NAV2: variants seen among roughly 807,000 people sequenced by gnomAD.
NAV2 encodes the protein helicase, APC down-regulated 1.
Under a neutral mutation model 223.2 loss-of-function variants are expected in NAV2, and 54 were observed. The ratio of observed to expected loss-of-function variants is 0.24; its 90% CI spans 0.19 to 0.30. The LOEUF (loss-of-function observed/expected upper bound fraction) is 0.30. Among genes scored for constraint, NAV2 ranks in the 10% least tolerant of loss-of-function variants. NAV2 has a pLI of 1.00. For synonymous variants in NAV2, 1,279 were observed against 1,239.3 expected (o/e 1.03, Z -0.67); for missense variants, 2,806 against 3,147.5 (o/e 0.89, Z 2.60).
intron 1 of NAV2, among the ~76,000 whole-genome samples, chr11:19,586,063 GA>G (rs774569153): frequency 1.6e-4 from 25 of 152,184 alleles, no homozygotes; most frequent in Admixed American, 1.6e-3. Flanking sequence ...ATATTTGTTG[GA>G]GGCTTTATTC....
intron 1 of NAV2, among the ~76,000 whole-genome samples, chr11:19,394,197 G>A (rs771602687): frequency 6.6e-6 from 1 of 152,098 alleles, no homozygotes; most frequent in Non-Finnish European, 1.5e-5. Context: ...GATGCTTTTG[G>A]CCCAATGGTG....
rs1445096039 is a variant in NAV2 at position 19,386,841 on chromosome 11, A to G, written c.75+35814A>G. 7.9e-5 allele frequency among the ~76,000 whole-genome samples: 12 copies of G among 152,212 alleles called. No individual in the cohort carries two copies. In the East Asian group the frequency reaches 2.3e-3, roughly 30 times the overall value. On this transcript the variant is annotated intron_variant, in intron 1 of 37. Coordinates refer to the NAV2 transcript ENST00000360655. ...ATTCAGAAATAATTTCCTGGAAAAC[A>G]ATCAAGCATGGGAGGGGCTCAGGGT...
chr11:19,893,143 T>A (rs1160550092), intron 6 of NAV2, among the ~76,000 whole-genome samples: 1 of 678 alleles, frequency 1.5e-3, no homozygotes, highest in African/African-American at 1.6e-3. Context: ...AGGATATGGA[T>A]TTTTTTTTTT....
chr11:20,000,973 G>C (rs921169184), intron 11 of NAV2, among the ~76,000 whole-genome samples: 16 of 152,128 alleles, frequency 1.1e-4, no homozygotes, highest in African/African-American at 3.6e-4. Context: ...ATCTGATCCT[G>C]TGTGCCACCT....
At chr11:19,714,167 T>C (rs568838285) in intron 1 of NAV2, 1 of 739,384 alleles carries the variant, frequency 1.4e-6, no homozygotes, top group South Asian at 1.6e-5. Context: ...GAGGTTTGCC[T>C]TAAGAGCTCT....
chr11:19,779,143 G>C lies in NAV2; in HGVS notation c.268-53341G>C, dbSNP rs892796699. Among the ~76,000 whole-genome samples the C allele has an allele frequency of 5.3e-5, 8 of 152,260 alleles. No homozygotes were observed. The East Asian group carries it at 5.8e-4, about 11-fold the overall frequency. On this transcript the variant is annotated intron_variant, in intron 1 of 37. Coordinates refer to ENST00000349880, the MANE Select transcript of NAV2 (RefSeq NM_145117.5). ...GGGTCAGCCTTTATTGGGTCTGCCT[G>C]AATCTTTAGAGCTGTCTCACTTTTC... is the stretch of plus-strand genomic sequence containing the variant.
intron 5 of NAV2, among the ~76,000 whole-genome samples, chr11:19,888,745 C>T (rs1364433445): frequency 2.0e-5 from 3 of 152,074 alleles, no homozygotes; most frequent in African/African-American, 7.2e-5. Context: ...CTTTCTTTCC[C>T]CTGTACTTTC....
intron 5 of NAV2, among the ~76,000 whole-genome samples, chr11:19,883,436 TC>T (rs1372601463): frequency 3.9e-5 from 6 of 152,070 alleles, no homozygotes; most frequent in Non-Finnish European, 8.8e-5. Flanking sequence ...TGGTCTAGAG[TC>T]CAGGAGAGGA....
chr11:19,470,584 G>T (rs2041933101), intron 1 of NAV2, among the ~76,000 whole-genome samples: 1 of 152,140 alleles, frequency 6.6e-6, no homozygotes. Context: ...CCATGACAAT[G>T]ACAATAATCT....
At chr11:19,775,649 G>T (rs953204316) in intron 1 of NAV2, among the ~76,000 whole-genome samples, 1 of 152,178 alleles carries the variant, frequency 6.6e-6, no homozygotes, top group Non-Finnish European at 1.5e-5. Context: ...AAACAATGAC[G>T]ATGAGACAAC....
intron 1 of NAV2, among the ~76,000 whole-genome samples, chr11:19,647,980 G>T (rs744853): frequency 0.12 from 17,780 of 152,140 alleles, 2,863 homozygotes; most frequent in African/African-American, 0.36. Context: ...CTTAGACATT[G>T]TAGTAGCTTC....
Position 19,964,616 on chromosome 11 carries a change from C to G in NAV2, c.2645+15536C>G, listed in dbSNP as rs955687026. ...GCTCAAGCAGTCCTCCTGCCTCAGC[C>G]TCTTGAGTAGCTAGGACTATAGGCA... On this transcript the variant is annotated intron_variant, in intron 10 of 37. Transcript: ENST00000349880. Among the ~76,000 whole-genome samples, 11 of 151,916 alleles carry G rather than the reference C, an allele frequency of 7.2e-5. No homozygotes were observed. The East Asian group carries it at 2.1e-3, about 29-fold the overall frequency.
intron 5 of NAV2, among the ~76,000 whole-genome samples, chr11:19,881,075 C>T (rs1380460938): frequency 6.6e-6 from 1 of 152,178 alleles, no homozygotes; most frequent in Non-Finnish European, 1.5e-5. Context: ...TCTCACACAC[C>T]TTGATATACC....
intron 1 of NAV2, among the ~76,000 whole-genome samples, chr11:19,485,916 T>C (rs1211056606): frequency 6.6e-6 from 1 of 152,038 alleles, no homozygotes; most frequent in African/African-American, 2.4e-5. Flanking sequence ...CAGGGAAAGC[T>C]TGAACCTGAT....
intron 1 of NAV2, among the ~76,000 whole-genome samples, chr11:19,385,753 C>CTTTTTTTTTTTTTTTTTTTTT (rs201669772): frequency 9.8e-5 from 11 of 112,768 alleles, no homozygotes; most frequent in South Asian, 3.1e-4. Flanking sequence ...AATATAGCTC[C>CTTTTTTTTTTTTTTTTTTTTT]TTTTTTTTTT....
chr11:19,610,904 G>T (rs2046621485), intron 1 of NAV2, among the ~76,000 whole-genome samples: 1 of 152,030 alleles, frequency 6.6e-6, no homozygotes, highest in African/African-American at 2.4e-5. Flanking sequence ...ATGCCTGTAT[G>T]CTTAGCACCT....
At chr11:20,098,169 G>A (rs184231850) in intron 31 of NAV2, among the ~76,000 whole-genome samples, 27 of 152,088 alleles carry the variant, frequency 1.8e-4, no homozygotes, top group Non-Finnish European at 3.7e-4. Context: ...TTGTGCCCAC[G>A]CATGATGCTG....
chr11:19,845,518 C>T (rs1430375456), intron 3 of NAV2, among the ~76,000 whole-genome samples: 1 of 152,124 alleles, frequency 6.6e-6, no homozygotes, highest in African/African-American at 2.4e-5. Flanking sequence ...ACCTTTAGGG[C>T]CCTTTAATAA....
At chr11:19,662,013 G>A (rs969586358) in intron 1 of NAV2, among the ~76,000 whole-genome samples, 5 of 152,156 alleles carry the variant, frequency 3.3e-5, no homozygotes, top group Non-Finnish European at 7.4e-5. Context: ...GTGGAAAAGT[G>A]CTGGGTTTGA....
Sources: allele counts gnomAD v4.1 joint callset (sites outside exome capture counted in the v4.1 genomes callset), GRCh38; gene constraint gnomAD v4.1.1; transcripts MANE v1.5; gene names NCBI Gene and HGNC (gene_info 2026-07-23, HGNC 2026-07-21).